NBPF12: variants seen among roughly 807,000 people sequenced by gnomAD.
NBPF12 encodes NBPF member 12.
A neutral mutation model predicts 146.4 loss-of-function variants in NBPF12; 115 were observed. The observed-to-expected ratio is 0.79, with a 90% CI of 0.68 to 0.92. NBPF12 has a LOEUF of 0.92. Among genes scored for constraint, NBPF12 ranks in the 40% least tolerant of loss-of-function variants. The pLI is 0.00. For missense variants in NBPF12, 1,205 were observed against 1,326.8 expected, an observed-to-expected ratio of 0.91 and a Z score of 1.43; for synonymous variants, 385 against 508.9, an observed-to-expected ratio of 0.76 and a Z score of 3.28.
chr1:146,987,726 TG>T (rs1657873348), intron 25 of NBPF12, among the ~76,000 whole-genome samples: 1 of 151,282 alleles, frequency 6.6e-6, no homozygotes, highest in Non-Finnish European at 1.5e-5. Context: ...TGTCTTTGTG[TG>T]TGTGTTTGTG....
upstream of NBPF12, among the ~76,000 whole-genome samples, chr1:146,945,619 A>T (rs1338138167): frequency 6.0e-5 from 9 of 150,198 alleles, no homozygotes; most frequent in Non-Finnish European, 8.9e-5. Context: ...CATCCTAATT[A>T]AAAAAAAGTA....
intron 7 of NBPF12, 111 bp from the exon 11 acceptor site, chr1:146,964,782 C>T (rs1365835766): frequency 1.9e-6 from 3 of 1,574,956 alleles, no homozygotes; most frequent in South Asian, 1.1e-5. Context: ...CTCCATTTTG[C>T]TTTCTGGGAC....
chr1:146,947,939 G>A (rs1356266378), upstream of NBPF12, among the ~76,000 whole-genome samples: 1 of 147,114 alleles, frequency 6.8e-6, no homozygotes. Context: ...TTTAAAATCT[G>A]CTATTAAAAT....
At chr1:146,962,179 A>G in exon 5 of NBPF12, 7 of 1,608,802 alleles carry the variant, frequency 4.4e-6, no homozygotes, top group Non-Finnish European at 5.9e-6. Context: ...GAGTGTAAAG[A>G]CCTCATAAAA....
rs1313012981 is a variant in NBPF12, at chr1:146,957,741, G to T, written c.-183-2118G>T. ...GGGGCCGCCTGGGCTGGCAGGTGGGGGAGGCGGAGAGCTCGATGCAGGTGC... is the reference window on the plus strand; with the variant it reads ...GGGGCCGCCTGGGCTGGCAGGTGGGTGAGGCGGAGAGCTCGATGCAGGTGC... On this transcript the variant is annotated intron_variant, in intron 2 of 33. Transcript: ENST00000617844. 1.5e-5 allele frequency: 2 copies of T among 133,662 alleles called. 1 individual carries two copies. Among genetic ancestry groups the T allele is most frequent in the Non-Finnish European group, 3.3e-5 (2 of 60,786 alleles). The allele number at this position is 133,662 out of a possible 1,614,324, so 8.3% of individuals were successfully genotyped here.
At chr1:146,969,677 T>C (rs1261025079) in intron 11 of NBPF12, 81 bp downstream of exon 14, 4 of 1,528,058 alleles carry the variant, frequency 2.6e-6, no homozygotes, top group Non-Finnish European at 3.6e-6. Context: ...ACAATGACAG[T>C]TGTATCAGTG....
chr1:146,980,173 C>T (rs1657279945), intron 19 of NBPF12, among the ~76,000 whole-genome samples: 1 of 152,044 alleles, frequency 6.6e-6, no homozygotes, highest in African/African-American at 2.4e-5. Context: ...CTTGGTAGAA[C>T]TTCCTCCATC....
intron 11 of NBPF12, 149 bp downstream of exon 14, chr1:146,969,745 A>G: frequency 2.0e-6 from 3 of 1,480,932 alleles, no homozygotes; most frequent in South Asian, 1.2e-5. Context: ...CCTGGGTAAG[A>G]ACGGAGATGG....
At chr1:146,954,908 T>TGTG in intron 2 of NBPF12, among the ~76,000 whole-genome samples, 1 of 132,884 alleles carries the variant, frequency 7.5e-6, no homozygotes, top group South Asian at 2.4e-4. Context: ...AACGTGTGTG[T>TGTG]GTGTGTGTGT....
At chr1:146,954,651 A>G (rs1475023024) in intron 2 of NBPF12, among the ~76,000 whole-genome samples, 1 of 150,264 alleles carries the variant, frequency 6.7e-6, no homozygotes, top group Admixed American at 6.6e-5. Flanking sequence ...TTTATATGGT[A>G]ATGTCAATGA....
rs1414221150 is a variant in NBPF12, at chr1:146,957,821, A to G, written c.-183-2038A>G. 4.3e-5 allele frequency among the ~76,000 whole-genome samples: 4 copies of G among 92,412 alleles called. 1 individual carries two copies. The highest frequency in any genetic ancestry group is 8.5e-5 in the Non-Finnish European group (4 of 46,834). The allele number at this position is 92,412 out of a possible 152,430, so 60.6% of individuals were successfully genotyped here. A position where few individuals can be genotyped will look rare whatever the true frequency, so the allele number is the denominator to read the frequency against. On this transcript the variant is annotated intron_variant, in intron 2 of 33. Coordinates refer to ENST00000617844, the Ensembl canonical transcript of NBPF12. ...TGCAGTAGCCCTCGCTCCGCCACTT[A>G]AAAAAGAAAAAAAAAATATAATATA... is the stretch of plus-strand genomic sequence containing the variant.
At position 146,953,740 on chromosome 1, in the gene NBPF12, C is replaced by T. The variant is rs1483168842; in HGVS notation, c.-184+2251C>T. Among the ~76,000 whole-genome samples, 96 of 120,572 alleles carry T rather than the reference C, an allele frequency of 8.0e-4. No individual in the cohort carries two copies. The South Asian group carries it at 9.1e-3, about 11-fold the overall frequency. 79.1% of individuals were successfully genotyped at this position (120,572 alleles called of 152,430 possible). On this transcript the variant is annotated intron_variant, in intron 2 of 33. Transcript: ENST00000617844. ...CCACAAGTAACATTATATTAAATGG[C>T]ATAAGATTGAATGCTTTTCTATTAA...
rs1284543709 is a variant in NBPF12, at chr1:146,976,287, T to G, written c.2119+396T>G. ...GAGTGAATGACTTGTCCTTCCTGAG[T>G]TTCTCTCTCTCCATGGCAGACAAAT... is the stretch of plus-strand genomic sequence containing the variant. On this transcript the variant is annotated intron_variant, in intron 16 of 33. Transcript: ENST00000617844. Among the ~76,000 whole-genome samples, 16 of 150,386 alleles carry G rather than the reference T, an allele frequency of 1.1e-4. No homozygotes were observed. The South Asian group carries it at 3.2e-3, about 30-fold the overall frequency.
chr1:146,969,726 C>A, intron 11 of NBPF12, 130 bp downstream of exon 14: 1 of 1,533,822 alleles, frequency 6.5e-7, no homozygotes, highest in Non-Finnish European at 9.0e-7. Context: ...CATGACATGA[C>A]CAGGACTTCC....
chr1:146,984,717 T>G, intron 21 of NBPF12, 96 bp from the exon 25 acceptor site: 1 of 806,664 alleles, frequency 1.2e-6, no homozygotes, highest in Non-Finnish European at 2.2e-6. Flanking sequence ...CCTTTTTCTT[T>G]TCAAACTCTT....
intron 1 of NBPF12, among the ~76,000 whole-genome samples, chr1:146,940,703 A>C (rs1383456575): frequency 6.6e-6 from 1 of 152,076 alleles, no homozygotes; most frequent in Non-Finnish European, 1.5e-5. Flanking sequence ...TTAGTATTAC[A>C]TATGGCTGAA....
At chr1:146,984,490 G>C (rs1163245844) in intron 21 of NBPF12, among the ~76,000 whole-genome samples, 2 of 150,342 alleles carry the variant, frequency 1.3e-5, no homozygotes, top group African/African-American at 5.0e-5. Flanking sequence ...CATGATCACT[G>C]TTCACTGTGT....
intron 1 of NBPF12, among the ~76,000 whole-genome samples, chr1:146,940,635 T>G: frequency 6.6e-6 from 1 of 151,856 alleles, no homozygotes; most frequent in Non-Finnish European, 1.5e-5. Context: ...ATTACTATAT[T>G]GGGGTATATA....
chr1:146,977,852 G>T (rs1199191370), intron 18 of NBPF12, among the ~76,000 whole-genome samples, 181 bp downstream of exon 21: 2 of 152,126 alleles, frequency 1.3e-5, no homozygotes, highest in African/African-American at 2.4e-5. Flanking sequence ...CCAGTCCCCA[G>T]TATCAAGTTA....
Sources: allele counts gnomAD v4.1 joint callset (sites outside exome capture counted in the v4.1 genomes callset), GRCh38; gene constraint gnomAD v4.1.1; transcripts MANE v1.5; gene names NCBI Gene and HGNC (gene_info 2026-07-23, HGNC 2026-07-21).